The following CHTOP variants were observed in gnomAD, a reference collection of about 807,000 sequenced individuals.
The protein encoded by CHTOP is chromatin target of PRMT1 protein.
CHTOP carries 18 observed loss-of-function variants against 33.6 expected under a neutral mutation model. That is an observed-to-expected ratio of 0.54 (90% CI 0.37 to 0.80). CHTOP has a LOEUF of 0.80. CHTOP is among the 30% of genes least tolerant of loss of function. The pLI is 0.00. For missense variants in CHTOP, 263 were observed against 336.8 expected, an observed-to-expected ratio of 0.78 and a Z score of 1.71; for synonymous variants, 117 against 127.7, an observed-to-expected ratio of 0.92 and a Z score of 0.56.
At chr1:153,639,812 G>C (rs1379398260) in intron 3 of CHTOP, among the ~76,000 whole-genome samples, 1 of 152,116 alleles carries the variant, frequency 6.6e-6, no homozygotes, top group Non-Finnish European at 1.5e-5. Context: ...TTTGTTTTGA[G>C]ACGGAGTCTT....
intron 1 of CHTOP, among the ~76,000 whole-genome samples, chr1:153,636,231 C>T (rs1424829483): frequency 6.6e-6 from 1 of 151,854 alleles, no homozygotes; most frequent in Non-Finnish European, 1.5e-5. Flanking sequence ...TACCCAGCCA[C>T]CTTGAAGTTA....
At chr1:153,636,017 C>A (rs1364372926) in intron 1 of CHTOP, among the ~76,000 whole-genome samples, 2 of 151,940 alleles carry the variant, frequency 1.3e-5, no homozygotes, top group East Asian at 3.9e-4. Flanking sequence ...AACCCCTGGG[C>A]TCTAGCGATT....
chr1:153,645,411 C>T lies in CHTOP; in HGVS notation c.*142C>T. 1 of 667,610 alleles carries T rather than the reference C, an allele frequency of 1.5e-6. No individual in the cohort carries two copies. The highest frequency in any genetic ancestry group is 2.4e-6 in the Non-Finnish European group (1 of 413,526). 41.4% of individuals were successfully genotyped at this position (667,610 alleles called of 1,614,324 possible). A position where few individuals can be genotyped will look rare whatever the true frequency, so the allele number is the denominator to read the frequency against. ...TGGACTTACTTGCCACCAGCTTGTG[C>T]ATTTAGTGTGTTCCTTTTACTTTTT... On this transcript the variant is annotated 3_prime_UTR_variant, in exon 6 of 6. Coordinates refer to ENST00000368694, the MANE Select transcript of CHTOP (RefSeq NM_015607.4).
At chr1:153,636,137 C>T (rs1334168006) in intron 1 of CHTOP, among the ~76,000 whole-genome samples, 1 of 150,530 alleles carries the variant, frequency 6.6e-6, no homozygotes, top group South Asian at 2.1e-4. Context: ...CTTTGTTACC[C>T]AGGCTGGTCT....
rs147496068 is a variant in CHTOP, at chr1:153,645,081, C to T, written c.559C>T (p.Arg187Trp). The T allele has an allele frequency of 6.5e-5, 94 of 1,452,492 alleles. No individual in the cohort carries two copies. Among genetic ancestry groups the T allele is most frequent in the Non-Finnish European group, 7.8e-5 (83 of 1,070,010 alleles). The allele number at this position is 1,452,492 out of a possible 1,614,324, so 90.0% of individuals were successfully genotyped here. ...IGGRGRGMIG[R>W]GRGGFGGRGR... ...TGGGCCAGGTCGGGGTATGATAGGTCGGGGAAGAGGGGGCTTTGGAGGCCG... is the reference window on the plus strand; with the variant it reads ...TGGGCCAGGTCGGGGTATGATAGGTTGGGGAAGAGGGGGCTTTGGAGGCCG... The change falls in exon 6 of 6, where the codon CGG (arginine) becomes TGG (tryptophan). Residue 187 changes from arginine (R) to tryptophan (W), a missense_variant. Transcript: ENST00000368694.
chr1:153,640,770 CAAAATA>C (rs1211779453), intron 3 of CHTOP, among the ~76,000 whole-genome samples: 1 of 152,112 alleles, frequency 6.6e-6, no homozygotes, highest in Non-Finnish European at 1.5e-5. Flanking sequence ...GACTGTATCT[CAAAATA>C]AAAATAATTG....
chr1:153,642,129 GT>G (rs1668647132), intron 3 of CHTOP, 116 bp from the exon 4 acceptor site: 1 of 792,196 alleles, frequency 1.3e-6, no homozygotes, highest in East Asian at 2.7e-5. Context: ...CCCACAACAG[GT>G]TTATCTCCCT....
At position 153,634,817 on chromosome 1, in the gene CHTOP, C is replaced by CAT. The variant is rs1183163174; in HGVS notation, c.-18+483_-18+484dup. Among the ~76,000 whole-genome samples the CAT allele has an allele frequency of 1.0e-4, 15 of 150,422 alleles. 1 individual carries two copies. The highest frequency in any genetic ancestry group is 1.2e-4 in the Non-Finnish European group (8 of 67,728). ...AAAGCCACTTTTGAAACTAGGCATG[C>CAT]ATATATATATGTATATATATACATA... is the stretch of plus-strand genomic sequence containing the variant. On this transcript the variant is annotated intron_variant, in intron 1 of 5. Coordinates refer to ENST00000368694, the MANE Select transcript of CHTOP (RefSeq NM_015607.4).
chr1:153,639,124 A>G (rs4845559), intron 3 of CHTOP, among the ~76,000 whole-genome samples: 139,791 of 152,204 alleles, frequency 0.92, 64,396 homozygotes, highest in East Asian at 1. Flanking sequence ...CTCGTGATCC[A>G]CCCGCCTCGG....
intron 3 of CHTOP, 74 bp downstream of exon 3, chr1:153,638,522 C>T (rs777765514): frequency 2.1e-5 from 32 of 1,547,208 alleles, no homozygotes; most frequent in East Asian, 1.1e-4. Context: ...GCTGTCAGGA[C>T]GTGATGGATG....
intron 5 of CHTOP, among the ~76,000 whole-genome samples, chr1:153,644,740 T>C (rs1668745809): frequency 1.3e-5 from 2 of 152,250 alleles, no homozygotes; most frequent in Non-Finnish European, 2.9e-5. Context: ...ACTTAGTGAA[T>C]CTCAAATGTT....
rs1668791478 is a variant in CHTOP, at chr1:153,645,577, T to A, written c.*308T>A. The stretch of plus-strand genomic sequence containing the variant: ...CATTAGCCTTGTGGCTAGAACACCC[T>A]CTTCCTACCTCTGTCTCCCCTCACT... On this transcript the variant is annotated 3_prime_UTR_variant, in exon 6 of 6. Transcript: ENST00000368694. The A allele has an allele frequency of 1.1e-5, 4 of 365,192 alleles. No homozygotes were observed. The South Asian group carries it at 1.5e-4, about 13-fold the overall frequency. The allele number at this position is 365,192 out of a possible 1,614,324, so 22.6% of individuals were successfully genotyped here.
rs1668813172 is a variant in CHTOP, at chr1:153,645,978, C to G, written c.*709C>G. On this transcript the variant is annotated 3_prime_UTR_variant, in exon 6 of 6. Coordinates refer to ENST00000368694, the MANE Select transcript of CHTOP (RefSeq NM_015607.4). ...CCTTTGTATGAGATTTACAGACTTT[C>G]CTTCTGGGTTTGTATCATGACCAGA... 1 of 152,318 alleles carries G rather than the reference C, an allele frequency of 6.6e-6. No individual in the cohort carries two copies. The highest frequency in any genetic ancestry group is 2.4e-5 in the African/African-American group (1 of 41,422). 9.4% of individuals were successfully genotyped at this position (152,318 alleles called of 1,614,324 possible).
In CHTOP at chr1:153,645,278, C is replaced by T. The variant is rs753050204; in HGVS notation, c.*9C>T. ...CCGAAACCAATGATTGAAGCCTGCC[C>T]ATCCTCCCATGAGAGACTCTTGTTA... On this transcript the variant is annotated 3_prime_UTR_variant, in exon 6 of 6. Transcript: ENST00000368694. 5 of 1,613,650 alleles carry T rather than the reference C, an allele frequency of 3.1e-6. No individual in the cohort carries two copies. The highest frequency in any genetic ancestry group is 4.2e-6 in the Non-Finnish European group (5 of 1,179,670).
chr1:153,642,438 TG>T lies in CHTOP; in HGVS notation c.403+10del. The T allele has an allele frequency of 6.3e-7, 1 of 1,589,296 alleles. No homozygotes were observed. Among genetic ancestry groups the T allele is most frequent in the Non-Finnish European group, 8.6e-7 (1 of 1,164,122 alleles). On this transcript the variant is annotated intron_variant, in intron 4 of 5. Coordinates refer to ENST00000368694, the MANE Select transcript of CHTOP (RefSeq NM_015607.4). ...CGGGATGTCACTCCGAGGTCAGTGC[TG>T]TGTACCCTGATAATTGTCGGGCCCT...
chr1:153,645,459 T>C lies in CHTOP; in HGVS notation c.*190T>C, dbSNP rs567635059. The stretch of plus-strand genomic sequence containing the variant: ...TTTGATACTGTGTTGTATGAAACCC[T>C]TTTGTCCTTTGATTTGGTTTTTTGT... On this transcript the variant is annotated 3_prime_UTR_variant, in exon 6 of 6. Coordinates refer to ENST00000368694, the MANE Select transcript of CHTOP (RefSeq NM_015607.4). The C allele has an allele frequency of 6.0e-4, 288 of 482,158 alleles. No homozygotes were observed. The highest frequency in any genetic ancestry group is 5.5e-3 in the African/African-American group (273 of 49,898). 29.9% of individuals were successfully genotyped at this position (482,158 alleles called of 1,614,324 possible).
intron 3 of CHTOP, among the ~76,000 whole-genome samples, chr1:153,640,333 C>T (rs1236219517): frequency 6.8e-6 from 1 of 148,148 alleles, no homozygotes; most frequent in Non-Finnish European, 1.5e-5. Context: ...AAAAGCCGGG[C>T]ATGGTGGCGC....
intron 4 of CHTOP, 89 bp from the exon 5 acceptor site, chr1:153,643,138 C>A: frequency 6.6e-7 from 1 of 1,510,840 alleles, no homozygotes; most frequent in Non-Finnish European, 9.2e-7. Flanking sequence ...GAATTACCTT[C>A]ATTTAACCCT....
chr1:153,643,354 C>T lies in CHTOP; in HGVS notation c.531C>T (p.Ile177=), dbSNP rs758738710. 26 of 1,570,370 alleles carry T rather than the reference C, an allele frequency of 1.7e-5. No individual in the cohort carries two copies. The highest frequency in any genetic ancestry group is 1.3e-5 in the Non-Finnish European group (15 of 1,161,142). The change falls in exon 5 of 6, where the codon ATC becomes ATT. Residue 177 remains isoleucine (I), a synonymous_variant. Transcript: ENST00000368694. ...GTGGAGCTATGGGTCGTGGCGGAAT[C>T]GGTGGTAGAGGTTAGTCAGCTACCA... ...LGRGAMGRGG[I]GGRGRGMIGR...
Sources: allele counts gnomAD v4.1 joint callset (sites outside exome capture counted in the v4.1 genomes callset), GRCh38; gene constraint gnomAD v4.1.1; transcripts MANE v1.5; gene names NCBI Gene and HGNC (gene_info 2026-07-23, HGNC 2026-07-21).